DNAH17: variants seen among roughly 807,000 people sequenced by gnomAD.
DNAH17 encodes the protein dynein axonemal heavy chain 17, also known as axonemal beta dynein heavy chain 17.
A neutral mutation model predicts 485.6 loss-of-function variants in DNAH17; 376 were observed. The observed-to-expected ratio is 0.77, with a 90% CI of 0.71 to 0.84. The LOEUF (loss-of-function observed/expected upper bound fraction) is 0.84. Ranked by LOEUF, DNAH17 falls within the 40% of genes least tolerant of loss-of-function variation. The probability of loss-of-function intolerance (pLI) is 0.00; values close to 1 mark genes in which losing one functional copy is unlikely to be tolerated. For synonymous variants in DNAH17, 3,031 were observed against 2,405.9 expected, an observed-to-expected ratio of 1.26 and a Z score of -7.60; for missense variants, 6,370 against 5,839.3, an observed-to-expected ratio of 1.09 and a Z score of -2.96.
chr17:78,484,758 A>ACCCCCCCCCCCCCCCCC, intron 48 of DNAH17, 110 bp downstream of exon 48: 1 of 298,400 alleles, frequency 3.4e-6, no homozygotes, highest in Admixed American at 1.5e-4. Context: ...ACCGCCCCAC[A>ACCCCCCCCCCCCCCCCC]CCAGTCCTGC....
chr17:78,465,626 C>G (rs540201201), intron 56 of DNAH17, among the ~76,000 whole-genome samples: 1 of 151,394 alleles, frequency 6.6e-6, no homozygotes, highest in Non-Finnish European at 1.5e-5. Context: ...GCCGAGACCC[C>G]GTCTGGGAGG....
intron 26 of DNAH17, among the ~76,000 whole-genome samples, chr17:78,511,851 G>C (rs2090643693): frequency 6.6e-6 from 1 of 152,236 alleles, no homozygotes; most frequent in Admixed American, 6.5e-5. Flanking sequence ...CTCTCCCAGG[G>C]CACCCGGAAG....
chr17:78,505,558 C>T, intron 30 of DNAH17, 113 bp from the exon 31 acceptor site: 2 of 1,330,488 alleles, frequency 1.5e-6, no homozygotes, highest in Non-Finnish European at 1.0e-6. Flanking sequence ...ATATACTCCC[C>T]ATCTTTGATC....
At chr17:78,551,331 A>C (rs901412719) in intron 16 of DNAH17, among the ~76,000 whole-genome samples, 6 of 152,224 alleles carry the variant, frequency 3.9e-5, no homozygotes, top group African/African-American at 1.4e-4. Flanking sequence ...AGAATGGAGC[A>C]GAACTGAATT....
chr17:78,452,887 T>G (rs1162130010), intron 65 of DNAH17, among the ~76,000 whole-genome samples: 1 of 152,096 alleles, frequency 6.6e-6, no homozygotes, highest in Non-Finnish European at 1.5e-5. Context: ...GGGAGGGGAA[T>G]GAAGAAGAGT....
intron 16 of DNAH17, among the ~76,000 whole-genome samples, chr17:78,548,246 C>T (rs796662159): frequency 5.0e-5 from 6 of 119,616 alleles, no homozygotes; most frequent in African/African-American, 1.9e-4. Flanking sequence ...GCTCTGTCAC[C>T]CAGGCTGGAG....
Position 78,506,799 on chromosome 17 carries a change from C to A in DNAH17, c.4724G>T (p.Arg1575Ile). ...KALAEYLETKRLAFPRFYFVS... is the reference protein window; with the variant it reads ...KALAEYLETKILAFPRFYFVS... ...AAAATAGAACCGGGGGAAAGCCAGT[C>A]TTTTCGTCTCTAAATACTCTGCCAA... The change falls in exon 30 of 81, where the codon AGA (arginine) becomes ATA (isoleucine). Residue 1575 changes from arginine (R) to isoleucine (I), a missense_variant. Transcript: ENST00000389840. The A allele has an allele frequency of 6.2e-7, 1 of 1,613,978 alleles. No individual in the cohort carries two copies. The highest frequency in any genetic ancestry group is 8.5e-7 in the Non-Finnish European group (1 of 1,179,876).
intron 54 of DNAH17, among the ~76,000 whole-genome samples, 156 bp downstream of exon 54, chr17:78,475,122 C>A (rs1309879187): frequency 6.6e-6 from 1 of 152,116 alleles, no homozygotes; most frequent in Non-Finnish European, 1.5e-5. Context: ...GGTTTTCTGG[C>A]CTCTGCTTTC....
At chr17:78,473,409 T>C (rs1425461054) in intron 54 of DNAH17, among the ~76,000 whole-genome samples, 1 of 151,932 alleles carries the variant, frequency 6.6e-6, no homozygotes, top group East Asian at 1.9e-4. Flanking sequence ...ACGGGCGTGG[T>C]GGCGGGCGCG....
chr17:78,510,205 A>T (rs928053504), intron 27 of DNAH17, among the ~76,000 whole-genome samples, 179 bp downstream of exon 27: 1 of 143,678 alleles, frequency 7.0e-6, no homozygotes, highest in Non-Finnish European at 1.6e-5. Flanking sequence ...AATAATAAAC[A>T]AACAAATAGA....
intron 25 of DNAH17, among the ~76,000 whole-genome samples, chr17:78,518,714 C>T (rs1411051259): frequency 6.6e-6 from 1 of 152,142 alleles, no homozygotes; most frequent in Non-Finnish European, 1.5e-5. Context: ...TTCAAGTGCC[C>T]ATGGGACATT....
At chr17:78,557,007 G>A (rs1395126774) in intron 14 of DNAH17, among the ~76,000 whole-genome samples, 1 of 152,188 alleles carries the variant, frequency 6.6e-6, no homozygotes, top group African/African-American at 2.4e-5. Flanking sequence ...CAAGCCCTGT[G>A]TTGCTGGACG....
At chr17:78,504,999 G>A (rs754544400) in intron 31 of DNAH17, among the ~76,000 whole-genome samples, 4 of 145,232 alleles carry the variant, frequency 2.8e-5, no homozygotes, top group Non-Finnish European at 6.0e-5. Context: ...TCTGCCTCCC[G>A]GGTTCAAGCG....
chr17:78,428,338 C>T (rs1281494379), intron 77 of DNAH17, 187 bp downstream of exon 77: 10 of 694,570 alleles, frequency 1.4e-5, no homozygotes, highest in Non-Finnish European at 2.3e-5. Flanking sequence ...CTGCAGCTGC[C>T]ACGTCTGAGG....
chr17:78,511,142 A>G (rs1333911821), intron 26 of DNAH17, among the ~76,000 whole-genome samples: 1 of 152,212 alleles, frequency 6.6e-6, no homozygotes, highest in Non-Finnish European at 1.5e-5. Flanking sequence ...TTTGAGACAG[A>G]GTCTCGCTTT....
intron 16 of DNAH17, among the ~76,000 whole-genome samples, chr17:78,550,625 G>C (rs747309212): frequency 1.1e-4 from 17 of 152,138 alleles, no homozygotes; most frequent in Non-Finnish European, 2.4e-4. Context: ...AGTCCTGGGG[G>C]AGCCAACCCT....
intron 6 of DNAH17, among the ~76,000 whole-genome samples, chr17:78,570,594 T>C (rs1009976159): frequency 1.3e-5 from 2 of 151,976 alleles, no homozygotes; most frequent in African/African-American, 4.8e-5. Context: ...GCGTGGTGGC[T>C]CACGCCTGTA....
At chr17:78,480,849 A>C (rs1210345722) in intron 48 of DNAH17, 63 bp from the exon 49 acceptor site, 7 of 1,172,364 alleles carry the variant, frequency 6.0e-6, no homozygotes, top group Non-Finnish European at 8.8e-6. Flanking sequence ...CCCTGCCCCC[A>C]CTGTGCTCCC....
At chr17:78,498,472 C>T (rs1366320021) in intron 37 of DNAH17, among the ~76,000 whole-genome samples, 1 of 152,224 alleles carries the variant, frequency 6.6e-6, no homozygotes, top group Non-Finnish European at 1.5e-5. Context: ...AAGTGGGGCC[C>T]ACGCTGGAGA....
Sources: gnomAD v4.1 joint callset for allele counts (sites outside exome capture counted in the v4.1 genomes callset) on GRCh38, gnomAD v4.1.1 for gene constraint, MANE v1.5 for transcripts, NCBI Gene and HGNC (gene_info 2026-07-23, HGNC 2026-07-21) for gene names.